The following GHR variants were observed in gnomAD, a reference collection of about 807,000 sequenced individuals.
The protein encoded by GHR is growth hormone receptor.
Under a neutral mutation model 67.1 loss-of-function variants are expected in GHR, and 35 were observed. That is an observed-to-expected ratio of 0.52 (90% confidence interval 0.40 to 0.69). The LOEUF (loss-of-function observed/expected upper bound fraction) is 0.69, where lower values mean the gene tolerates loss of function less well. Among genes scored for constraint, GHR ranks in the 30% least tolerant of loss-of-function variants. The pLI is 0.00. For missense variants in GHR, 792 were observed against 764.6 expected (o/e 1.04, Z -0.42); for synonymous variants, 272 against 269.1 (o/e 1.01, Z -0.10).
At chr5:42,501,099 T>C (rs1746523479) in intron 1 of GHR, among the ~76,000 whole-genome samples, 1 of 152,098 alleles carries the variant, frequency 6.6e-6, no homozygotes, top group African/African-American at 2.4e-5. Context: ...GGTTCTGCAG[T>C]AAAAATTTGG....
intron 1 of GHR, among the ~76,000 whole-genome samples, chr5:42,429,661 A>C (rs1187637392): frequency 6.6e-6 from 1 of 152,222 alleles, no homozygotes; most frequent in Non-Finnish European, 1.5e-5. Flanking sequence ...AAATTTATGG[A>C]AAGTATAATA....
chr5:42,527,834 G>T (rs990651139), intron 1 of GHR, among the ~76,000 whole-genome samples: 2 of 152,074 alleles, frequency 1.3e-5, no homozygotes, highest in African/African-American at 4.8e-5. Flanking sequence ...AAATGCAAAA[G>T]AGCTGAAATC....
At chr5:42,438,417 T>C (rs923843622) in intron 1 of GHR, among the ~76,000 whole-genome samples, 24 of 152,184 alleles carry the variant, frequency 1.6e-4, no homozygotes, top group African/African-American at 5.1e-4. Context: ...CCCCCGTCCA[T>C]TGAATGTGGG....
intron 3 of GHR, chr5:42,647,603 A>T (rs1232494691): frequency 7.1e-6 from 3 of 419,796 alleles, no homozygotes; most frequent in Non-Finnish European, 1.4e-5. Context: ...CAAGGGCCAA[A>T]GTAACAATGT....
chr5:42,633,033 T>C lies in GHR; in HGVS notation c.136+3930T>C, dbSNP rs572199396. On this transcript the variant is annotated intron_variant, in intron 3 of 9. Coordinates refer to ENST00000230882, the MANE Select transcript of GHR (RefSeq NM_000163.5). ...CAAGAATTTTATTTCTCTGTCATGATTATTTATTGGCAGAAGATTTGTTGG... is the reference window on the plus strand; with the variant it reads ...CAAGAATTTTATTTCTCTGTCATGACTATTTATTGGCAGAAGATTTGTTGG... Among the ~76,000 whole-genome samples the C allele has an allele frequency of 2.0e-5, 3 of 152,358 alleles. No homozygotes were observed. In the South Asian group the frequency reaches 6.2e-4, roughly 32 times the overall value.
chr5:42,637,357 G>A (rs1224461983), intron 3 of GHR, among the ~76,000 whole-genome samples: 1 of 151,908 alleles, frequency 6.6e-6, no homozygotes, highest in East Asian at 1.9e-4. Flanking sequence ...TTGTTACATG[G>A]GTCAATTGCA....
chr5:42,579,136 TAGATGATA>T (rs757059051), intron 2 of GHR, among the ~76,000 whole-genome samples: 2,382 of 66,568 alleles, frequency 0.036, 43 homozygotes, highest in Non-Finnish European at 0.047. Flanking sequence ...GATAGATAGA[TAGATGATA>T]GATAGATATA....
At chr5:42,660,853 A>G (rs1368612551) in intron 3 of GHR, among the ~76,000 whole-genome samples, 1 of 152,138 alleles carries the variant, frequency 6.6e-6, no homozygotes, top group Non-Finnish European at 1.5e-5. Flanking sequence ...GAAGTTGAAA[A>G]CTCTGAAAAA....
intron 3 of GHR, among the ~76,000 whole-genome samples, chr5:42,659,851 G>T (rs6451630): frequency 1 from 152,255 of 152,272 alleles, 76,119 homozygotes; most frequent in Middle Eastern, 1. Flanking sequence ...TTCCCTTTCC[G>T]AGTCAAAGAA....
At chr5:42,560,107 G>T (rs868050255) in intron 1 of GHR, among the ~76,000 whole-genome samples, 1 of 152,020 alleles carries the variant, frequency 6.6e-6, no homozygotes, top group African/African-American at 2.4e-5. Flanking sequence ...CAAATTAGAG[G>T]GTGTTAGTTA....
intron 4 of GHR, among the ~76,000 whole-genome samples, chr5:42,690,035 A>G (rs1757350002): frequency 6.6e-6 from 1 of 152,114 alleles, no homozygotes; most frequent in South Asian, 2.1e-4. Flanking sequence ...CTCACTGTGT[A>G]TATTTTTCCC....
Position 42,719,481 on chromosome 5 carries a change from A to G in GHR, c.*57A>G. ...TAATAGCAAAGAATTGACTGGGGCAATAACGTTTAAGCCAAAACAATGTTT... is the reference window on the plus strand; with the variant it reads ...TAATAGCAAAGAATTGACTGGGGCAGTAACGTTTAAGCCAAAACAATGTTT... On this transcript the variant is annotated 3_prime_UTR_variant, in exon 10 of 10. Coordinates refer to ENST00000230882, the MANE Select transcript of GHR (RefSeq NM_000163.5). 1 of 1,539,652 alleles carries G rather than the reference A, an allele frequency of 6.5e-7. No homozygotes were observed. The highest frequency in any genetic ancestry group is 8.9e-7 in the Non-Finnish European group (1 of 1,122,906).
In GHR at chr5:42,711,200, T is replaced by G. The variant is rs1221484941; in HGVS notation, c.619-7T>G. On this transcript the variant is annotated splice_polypyrimidine_tract_variant and splice_region_variant and intron_variant, in intron 6 of 9. Transcript: ENST00000230882. ...GGCCAATATGCGTTTATATTTTGTC[T>G]TGAAAGATGGACCCTATATTGACAA... is the stretch of plus-strand genomic sequence containing the variant. The G allele has an allele frequency of 6.2e-7, 1 of 1,610,616 alleles. No individual in the cohort carries two copies. The highest frequency in any genetic ancestry group is 2.2e-5 in the East Asian group (1 of 44,844).
At chr5:42,693,599 C>T (rs1757530632) in intron 4 of GHR, among the ~76,000 whole-genome samples, 1 of 152,174 alleles carries the variant, frequency 6.6e-6, no homozygotes, top group African/African-American at 2.4e-5. Context: ...GCCAAGCAGA[C>T]CAGCCTGAGA....
chr5:42,707,233 A>G (rs79038131), intron 6 of GHR, among the ~76,000 whole-genome samples: 2 of 152,180 alleles, frequency 1.3e-5, no homozygotes, highest in East Asian at 3.9e-4. Flanking sequence ...CCCCAAACAC[A>G]TTTTAAATTT....
intron 1 of GHR, among the ~76,000 whole-genome samples, chr5:42,538,480 T>A (rs547915627): frequency 4.1e-4 from 63 of 152,306 alleles, no homozygotes; most frequent in African/African-American, 1.5e-3. Flanking sequence ...AATTGTTTTG[T>A]TTGAGGAGGC....
chr5:42,435,562 A>G (rs1461066277), intron 1 of GHR, among the ~76,000 whole-genome samples: 2 of 152,208 alleles, frequency 1.3e-5, no homozygotes, highest in Non-Finnish European at 2.9e-5. Flanking sequence ...AAAAGTTGCA[A>G]AAATTTTAGA....
At chr5:42,558,409 C>T (rs1749426102) in intron 1 of GHR, among the ~76,000 whole-genome samples, 1 of 152,110 alleles carries the variant, frequency 6.6e-6, no homozygotes, top group Non-Finnish European at 1.5e-5. Context: ...TAAGTGCAGA[C>T]ATATAAACCA....
At chr5:42,572,709 T>A (rs890273172) in intron 2 of GHR, among the ~76,000 whole-genome samples, 1 of 152,198 alleles carries the variant, frequency 6.6e-6, no homozygotes, top group African/African-American at 2.4e-5. Flanking sequence ...TATATAACAA[T>A]TTAACTTAAG....
Sources: gnomAD v4.1 joint callset for allele counts (sites outside exome capture counted in the v4.1 genomes callset) on GRCh38, gnomAD v4.1.1 for gene constraint, MANE v1.5 for transcripts, NCBI Gene and HGNC (gene_info 2026-07-23, HGNC 2026-07-21) for gene names.